The following TBC1D14 variants were observed in gnomAD, a reference collection of about 807,000 sequenced individuals.
TBC1D14 encodes TBC1 domain family, member 14.
TBC1D14 carries 26 observed loss-of-function variants against 79.0 expected under a neutral mutation model. That is an observed-to-expected ratio of 0.33 (90% CI 0.24 to 0.46). The LOEUF (loss-of-function observed/expected upper bound fraction) is 0.46. Ranked by LOEUF, TBC1D14 falls within the 20% of genes least tolerant of loss-of-function variation. The pLI is 1.00. For synonymous variants in TBC1D14, 394 were observed against 349.9 expected (o/e 1.13, Z -1.40); for missense variants, 769 against 887.6 (o/e 0.87, Z 1.70).
At chr4:7,023,511 T>A (rs1050067812) in intron 12 of TBC1D14, among the ~76,000 whole-genome samples, 2 of 152,214 alleles carry the variant, frequency 1.3e-5, no homozygotes, top group African/African-American at 2.4e-5. Flanking sequence ...GAACTGTACT[T>A]TCTAGACCAG....
chr4:6,992,380 C>A (rs1189185911), intron 3 of TBC1D14, among the ~76,000 whole-genome samples: 1 of 152,228 alleles, frequency 6.6e-6, no homozygotes, highest in Non-Finnish European at 1.5e-5. Context: ...CAGGCCCAGC[C>A]TTGCTGGCTG....
chr4:6,966,970 G>C (rs1212780214), intron 2 of TBC1D14, among the ~76,000 whole-genome samples: 1 of 151,986 alleles, frequency 6.6e-6, no homozygotes, highest in Non-Finnish European at 1.5e-5. Context: ...CCACCATGCT[G>C]GGCTAATTTT....
At chr4:7,003,561 C>G (rs1560335401) in intron 7 of TBC1D14, among the ~76,000 whole-genome samples, 1 of 152,206 alleles carries the variant, frequency 6.6e-6, no homozygotes, top group Non-Finnish European at 1.5e-5. Context: ...GCCCAGAAGG[C>G]AGATGTGCTC....
rs1481941200 is a variant in TBC1D14 at position 7,032,700 on chromosome 4, G to C, written c.*2308G>C. 6.6e-6 allele frequency: 1 copy of C among 152,152 alleles called. No homozygotes were observed. Among genetic ancestry groups the C allele is most frequent in the Non-Finnish European group, 1.5e-5 (1 of 68,040 alleles). The allele number at this position is 152,152 out of a possible 1,614,324, so 9.4% of individuals were successfully genotyped here. ...TAACACCTCGGCACAGAGGCTGTTG[G>C]CAAGTGTAGAGGCTGCCTCTGTGTG... On this transcript the variant is annotated 3_prime_UTR_variant, in exon 14 of 14. Coordinates refer to ENST00000409757, the MANE Select transcript of TBC1D14 (RefSeq NM_020773.3).
intron 6 of TBC1D14, among the ~76,000 whole-genome samples, chr4:7,000,162 A>G (rs1167742152): frequency 1.3e-5 from 2 of 152,026 alleles, no homozygotes; most frequent in South Asian, 2.1e-4. Flanking sequence ...CTGTTCTCGC[A>G]TGGGATCTAG....
chr4:6,926,365 A>G lies in TBC1D14; in HGVS notation c.722+2254A>G, dbSNP rs1050664073. Reference sequence around the variant, plus strand: ...TGTGATTCAGCTGACTGAGCTGTGTATATTGGATTCTCTTCCCCTTTGAAA... The same window carrying G: ...TGTGATTCAGCTGACTGAGCTGTGTGTATTGGATTCTCTTCCCCTTTGAAA... On this transcript the variant is annotated intron_variant, in intron 2 of 13. Coordinates refer to ENST00000409757, the MANE Select transcript of TBC1D14 (RefSeq NM_020773.3). Among the ~76,000 whole-genome samples, 4 of 152,172 alleles carry G rather than the reference A, an allele frequency of 2.6e-5. No homozygotes were observed. In the South Asian group the frequency reaches 6.2e-4, roughly 24 times the overall value.
rs1248077916 is a variant in TBC1D14, at chr4:6,950,218, G to A, written c.723-17086G>A. ...AGAATGATGGCTTCCAGCTTCATCC[G>A]TGTCCCTGCAAAGGACGTGAACTCA... is the stretch of plus-strand genomic sequence containing the variant. On this transcript the variant is annotated intron_variant, in intron 2 of 13. Transcript: ENST00000409757. 3.3e-5 allele frequency among the ~76,000 whole-genome samples: 5 copies of A among 152,208 alleles called. 1 individual carries two copies. The South Asian group carries it at 6.2e-4, about 19-fold the overall frequency.
At position 6,962,500 on chromosome 4, in the gene TBC1D14, C is replaced by T. The variant is rs534962792; in HGVS notation, c.723-4804C>T. Among the ~76,000 whole-genome samples, 7 of 152,266 alleles carry T rather than the reference C, an allele frequency of 4.6e-5. No individual in the cohort carries two copies. In the South Asian group the frequency reaches 1.4e-3, roughly 32 times the overall value. Reference sequence around the variant, plus strand: ...AGCTTGGAGGCCAACAGCTGCTTGTCCTTAATGCTGCTAGTAGAGTGAGTG... The same window carrying T: ...AGCTTGGAGGCCAACAGCTGCTTGTTCTTAATGCTGCTAGTAGAGTGAGTG... On this transcript the variant is annotated intron_variant, in intron 2 of 13. Transcript: ENST00000409757.
chr4:6,957,653 C>T (rs1164401820), intron 2 of TBC1D14, among the ~76,000 whole-genome samples: 1 of 152,120 alleles, frequency 6.6e-6, no homozygotes, highest in Non-Finnish European at 1.5e-5. Context: ...TAGGTTTTAT[C>T]TTAGAAAGTT....
Position 7,023,782 on chromosome 4 carries a change from C to T in TBC1D14, c.1758-1222C>T, listed in dbSNP as rs528525948. On this transcript the variant is annotated intron_variant, in intron 12 of 13. Coordinates refer to ENST00000409757, the MANE Select transcript of TBC1D14 (RefSeq NM_020773.3). ...TAGTGAGATGAGAGAGCCCGTCTCC[C>T]GGGCATTTCTTGATGCATGGGGTGT... is the stretch of plus-strand genomic sequence containing the variant. Among the ~76,000 whole-genome samples, 3 of 152,284 alleles carry T rather than the reference C, an allele frequency of 2.0e-5. No individual in the cohort carries two copies. In the East Asian group the frequency reaches 5.8e-4, roughly 29 times the overall value.
chr4:6,963,584 G>A (rs1715441933), intron 2 of TBC1D14, among the ~76,000 whole-genome samples: 1 of 152,194 alleles, frequency 6.6e-6, no homozygotes, highest in Non-Finnish European at 1.5e-5. Flanking sequence ...CCACAGCTAC[G>A]CCAGGACTCC....
At chr4:6,987,813 C>A (rs1004031384) in intron 3 of TBC1D14, among the ~76,000 whole-genome samples, 8 of 152,216 alleles carry the variant, frequency 5.3e-5, no homozygotes, top group African/African-American at 1.7e-4. Flanking sequence ...AGCAACCGGG[C>A]GTGTTAAAAC....
chr4:7,030,812 G>T lies in TBC1D14; in HGVS notation c.*420G>T, dbSNP rs777540508. The T allele has an allele frequency of 6.3e-6, 1 of 157,586 alleles. No homozygotes were observed. Among genetic ancestry groups the T allele is most frequent in the East Asian group, 1.8e-4 (1 of 5,544 alleles). The allele number at this position is 157,586 out of a possible 1,614,324, so 9.8% of individuals were successfully genotyped here. ...CTTTGGCTGATATTTACATGTTTTC[G>T]ATAAGAAAGGGATCGCTGATTGAGT... On this transcript the variant is annotated 3_prime_UTR_variant, in exon 14 of 14. Transcript: ENST00000409757.
intron 2 of TBC1D14, among the ~76,000 whole-genome samples, chr4:6,959,102 G>T (rs986043281): frequency 3.3e-5 from 5 of 151,566 alleles, no homozygotes; most frequent in South Asian, 2.1e-4. Context: ...AGCCGGGATG[G>T]TCTGCATCTC....
intron 5 of TBC1D14, among the ~76,000 whole-genome samples, chr4:6,997,627 A>G (rs1429313052): frequency 6.6e-6 from 1 of 151,842 alleles, no homozygotes; most frequent in African/African-American, 2.4e-5. Flanking sequence ...CTCCATCTCA[A>G]AAAAAAATAA....
intron 3 of TBC1D14, among the ~76,000 whole-genome samples, chr4:6,972,363 C>T (rs1357831549): frequency 3.9e-5 from 6 of 152,326 alleles, no homozygotes; most frequent in East Asian, 1.9e-4. Context: ...TGTCAGCCGC[C>T]GGCCACCAAA....
intron 12 of TBC1D14, among the ~76,000 whole-genome samples, chr4:7,023,278 A>G (rs1722013491): frequency 6.6e-6 from 1 of 152,138 alleles, no homozygotes; most frequent in African/African-American, 2.4e-5. Flanking sequence ...AAACAAAACA[A>G]AAAACATTGT....
At chr4:6,954,587 T>C (rs1714450359) in intron 2 of TBC1D14, among the ~76,000 whole-genome samples, 1 of 128,138 alleles carries the variant, frequency 7.8e-6, no homozygotes, top group Non-Finnish European at 1.6e-5. Context: ...CTTCCTTGAC[T>C]TGGATATTCT....
intron 2 of TBC1D14, among the ~76,000 whole-genome samples, chr4:6,947,654 T>G (rs1713612613): frequency 1.7e-5 from 2 of 120,360 alleles, no homozygotes; most frequent in Admixed American, 1.9e-4. Flanking sequence ...AGAGTGAGAT[T>G]CCGTCTCAAA....
Sources: gnomAD v4.1 joint callset for allele counts (sites outside exome capture counted in the v4.1 genomes callset) on GRCh38, gnomAD v4.1.1 for gene constraint, MANE v1.5 for transcripts, NCBI Gene and HGNC (gene_info 2026-07-23, HGNC 2026-07-21) for gene names.